Variants in FTO observed in about 807,000 individuals in gnomAD.
The protein encoded by FTO is alpha-ketoglutarate-dependent dioxygenase FTO.
FTO carries 47 observed loss-of-function variants against 63.9 expected under a neutral mutation model. The ratio of observed to expected loss-of-function variants is 0.74; its 90% confidence interval spans 0.58 to 0.94. FTO has a LOEUF of 0.94. Among genes scored for constraint, FTO ranks in the 40% least tolerant of loss-of-function variants. The probability of loss-of-function intolerance (pLI) is 0.00; values close to 1 mark genes in which losing one functional copy is unlikely to be tolerated. For synonymous variants in FTO, 207 were observed against 224.4 expected (o/e 0.92, Z 0.69); for missense variants, 562 against 618.1 (o/e 0.91, Z 0.96).
chr16:53,878,360 C>T (rs2080727937), intron 5 of FTO, among the ~76,000 whole-genome samples: 1 of 152,018 alleles, frequency 6.6e-6, no homozygotes, highest in Non-Finnish European at 1.5e-5. Context: ...TGGTCATTCA[C>T]CTTTATTCTT....
chr16:53,983,636 A>AC, intron 8 of FTO, among the ~76,000 whole-genome samples: 1 of 152,116 alleles, frequency 6.6e-6, no homozygotes, highest in Non-Finnish European at 1.5e-5. Context: ...CAGATATGGT[A>AC]AGCTCAGATC....
chr16:53,885,115 A>G (rs1460025826), intron 6 of FTO, among the ~76,000 whole-genome samples: 1 of 152,210 alleles, frequency 6.6e-6, no homozygotes, highest in Non-Finnish European at 1.5e-5. Context: ...TTTTAGCCCC[A>G]AAGTAATAAG....
intron 8 of FTO, among the ~76,000 whole-genome samples, chr16:54,104,471 C>A (rs1599373772): frequency 6.6e-6 from 1 of 152,120 alleles, no homozygotes; most frequent in East Asian, 1.9e-4. Flanking sequence ...CACCACCACA[C>A]CTGGATAATT....
In FTO at chr16:54,114,476, G is replaced by C. The variant is rs1468709887; in HGVS notation, c.*2561G>C. The C allele has an allele frequency of 6.6e-6, 1 of 152,140 alleles. No individual in the cohort carries two copies. Among genetic ancestry groups the C allele is most frequent in the Admixed American group, 6.5e-5 (1 of 15,272 alleles). 9.4% of individuals were successfully genotyped at this position (152,140 alleles called of 1,614,324 possible). ...ATGAGATAAGAAACCGAGAGATTTT[G>C]CTGTTTTTTTCCTTTTGCATGGATG... On this transcript the variant is annotated 3_prime_UTR_variant, in exon 9 of 9. Transcript: ENST00000471389.
intron 1 of FTO, among the ~76,000 whole-genome samples, chr16:53,789,396 C>T (rs1431487945): frequency 6.6e-6 from 1 of 152,194 alleles, no homozygotes; most frequent in Non-Finnish European, 1.5e-5. Flanking sequence ...GATTCCTCTG[C>T]ATTCTCAGCC....
At chr16:53,911,132 A>T in intron 7 of FTO, 2 of 479,964 alleles carry the variant, frequency 4.2e-6, no homozygotes, top group Non-Finnish European at 3.7e-6. Flanking sequence ...CATTCCTTTC[A>T]TGCCTATCAT....
At chr16:54,080,473 C>A (rs1302154971) in intron 8 of FTO, among the ~76,000 whole-genome samples, 20 of 152,154 alleles carry the variant, frequency 1.3e-4, no homozygotes, top group Admixed American at 1.3e-3. Context: ...AGAAACTTAG[C>A]AAAGTTTTAT....
At chr16:54,098,322 A>G (rs892327577) in intron 8 of FTO, among the ~76,000 whole-genome samples, 5 of 152,216 alleles carry the variant, frequency 3.3e-5, no homozygotes, top group African/African-American at 1.2e-4. Flanking sequence ...GTTTCTAAAG[A>G]AGAGAAATCC....
chr16:53,881,641 C>T (rs1225894010), intron 6 of FTO, among the ~76,000 whole-genome samples: 1 of 152,214 alleles, frequency 6.6e-6, no homozygotes, highest in South Asian at 2.1e-4. Context: ...GTGAGACCAG[C>T]AGGTCTGGAT....
At chr16:53,879,770 A>T in intron 5 of FTO, 74 bp from the exon 6 acceptor site, 3 of 1,570,314 alleles carry the variant, frequency 1.9e-6, no homozygotes, top group Non-Finnish European at 2.6e-6. Context: ...GACAAATATG[A>T]ACAATCCTAG....
rs761068832 is a variant in FTO at position 54,111,791 on chromosome 16, C to T, written c.1394C>T (p.Pro465Leu). The T allele has an allele frequency of 5.0e-6, 8 of 1,613,950 alleles. No homozygotes were observed. The highest frequency in any genetic ancestry group is 5.9e-6 in the Non-Finnish European group (7 of 1,180,030). Reference sequence around the variant, plus strand: ...CAGTCACGAATTGCCCGAACATTACCTGCTGATCAGAAGCCAGAATGTCGG... The same window carrying T: ...CAGTCACGAATTGCCCGAACATTACTTGCTGATCAGAAGCCAGAATGTCGG... ...RCQSRIARTLPADQKPECRPY... is the reference protein window; with the variant it reads ...RCQSRIARTLLADQKPECRPY... The change falls in exon 9 of 9, where the codon CCT becomes CTT. Residue 465 changes from proline (P) to leucine (L), a missense_variant. Coordinates refer to ENST00000471389, the MANE Select transcript of FTO (RefSeq NM_001080432.3).
chr16:53,724,491 T>C (rs2151495560), intron 1 of FTO, among the ~76,000 whole-genome samples: 1 of 152,362 alleles, frequency 6.6e-6, no homozygotes, highest in Middle Eastern at 3.4e-3. Context: ...TGGGGGCCAC[T>C]AGGGCTCTAT....
intron 8 of FTO, among the ~76,000 whole-genome samples, chr16:53,990,608 G>A (rs538121873): frequency 6.6e-6 from 1 of 150,582 alleles, no homozygotes. Flanking sequence ...TGTATGGTGT[G>A]TCTCACATGC....
rs569990640 is a variant in FTO at position 54,101,630 on chromosome 16, T to C, written c.1365-10132T>C. 7.9e-5 allele frequency among the ~76,000 whole-genome samples: 12 copies of C among 152,352 alleles called. No individual in the cohort carries two copies. The South Asian group carries it at 2.5e-3, about 32-fold the overall frequency. On this transcript the variant is annotated intron_variant, in intron 8 of 8. Coordinates refer to ENST00000471389, the MANE Select transcript of FTO (RefSeq NM_001080432.3). The stretch of plus-strand genomic sequence containing the variant: ...AATAGTGCTGCGGTGAACATTTGCA[T>C]GCATGTGTCTTTATGGCAGAATGAT...
At chr16:53,882,141 A>G (rs948720083) in intron 6 of FTO, among the ~76,000 whole-genome samples, 6 of 152,214 alleles carry the variant, frequency 3.9e-5, no homozygotes, top group African/African-American at 1.4e-4. Context: ...CACCAATCTG[A>G]GACTTTCTTT....
intron 1 of FTO, among the ~76,000 whole-genome samples, chr16:53,746,567 T>A (rs1413007608): frequency 6.6e-6 from 1 of 152,176 alleles, no homozygotes; most frequent in African/African-American, 2.4e-5. Context: ...TTTTAAATCA[T>A]TTTTTATTGT....
chr16:54,095,657 T>C (rs1361344723), intron 8 of FTO, among the ~76,000 whole-genome samples: 1 of 152,188 alleles, frequency 6.6e-6, no homozygotes. Context: ...TAAGTTCTAA[T>C]CAGTGAGATC....
chr16:53,865,191 C>T (rs370450380), intron 4 of FTO, among the ~76,000 whole-genome samples: 1 of 152,254 alleles, frequency 6.6e-6, no homozygotes, highest in African/African-American at 2.4e-5. Context: ...TTGTCCCAGT[C>T]TTTTATGGGA....
intron 7 of FTO, among the ~76,000 whole-genome samples, chr16:53,920,930 G>C (rs2081993781): frequency 6.6e-6 from 1 of 152,180 alleles, no homozygotes; most frequent in Admixed American, 6.5e-5. Flanking sequence ...TTTCCACTAG[G>C]GCTTTGGTTT....
Sources: gnomAD v4.1 joint callset for allele counts (sites outside exome capture counted in the v4.1 genomes callset) on GRCh38, gnomAD v4.1.1 for gene constraint, MANE v1.5 for transcripts, NCBI Gene and HGNC (gene_info 2026-07-23, HGNC 2026-07-21) for gene names.